Variants in EFL1 observed in about 807,000 individuals in gnomAD.
The protein encoded by EFL1 is elongation factor-like GTPase 1.
In EFL1, 76 loss-of-function variants were observed where a neutral mutation model predicts 126.7. The observed-to-expected ratio is 0.60, with a 90% confidence interval of 0.50 to 0.73. The LOEUF is 0.73. Ranked by LOEUF, EFL1 falls within the 30% of genes least tolerant of loss-of-function variation. EFL1 has a pLI of 0.00. For missense variants in EFL1, 1,128 were observed against 1,343.2 expected, an observed-to-expected ratio of 0.84 and a Z score of 2.50; for synonymous variants, 410 against 448.4, an observed-to-expected ratio of 0.91 and a Z score of 1.08.
At chr15:82,195,817 A>C (rs896021344) in intron 15 of EFL1, among the ~76,000 whole-genome samples, 1 of 152,156 alleles carries the variant, frequency 6.6e-6, no homozygotes, top group African/African-American at 2.4e-5. Flanking sequence ...CAGGCTCAAC[A>C]TCAGAGATAT....
chr15:82,186,919 T>C lies in EFL1; in HGVS notation c.1751-22935A>G, dbSNP rs192656738. Among the ~76,000 whole-genome samples, 972 of 152,296 alleles carry C rather than the reference T, an allele frequency of 6.4e-3. 9 individuals carry two copies. The highest frequency in any genetic ancestry group is 0.021 in the African/African-American group (889 of 41,550). ...CTCAATAATTCAGGCGCTTCTTAGG[T>C]AGCCTTTTGAGCACTCCCTCACTGG... is the stretch of plus-strand genomic sequence containing the variant. On this transcript the variant is annotated intron_variant, in intron 15 of 19. Coordinates refer to ENST00000268206, the MANE Select transcript of EFL1 (RefSeq NM_024580.6).
At position 82,230,983 on chromosome 15, in the gene EFL1, C is replaced by A. The variant is rs201950678; in HGVS notation, c.732-12G>T. 1.2e-5 allele frequency: 19 copies of A among 1,607,816 alleles called. No individual in the cohort carries two copies. The East Asian group carries it at 4.2e-4, about 36-fold the overall frequency. On this transcript the variant is annotated splice_polypyrimidine_tract_variant and intron_variant, in intron 7 of 19. Transcript: ENST00000268206. Reference sequence around the variant, plus strand: ...CGAAGTGCTCAATTCTGAAAGAAGACCAAATGTTCATGTTATTAATAACAA... The same window carrying A: ...CGAAGTGCTCAATTCTGAAAGAAGAACAAATGTTCATGTTATTAATAACAA...
chr15:82,238,562 T>C, intron 6 of EFL1, 41 bp from the exon 7 acceptor site: 10 of 1,490,208 alleles, frequency 6.7e-6, no homozygotes, highest in South Asian at 1.2e-5. Context: ...ATTCAGATGC[T>C]CAGCATGCTC....
At chr15:82,248,658 T>G (rs1424385060) in intron 4 of EFL1, among the ~76,000 whole-genome samples, 1 of 152,178 alleles carries the variant, frequency 6.6e-6, no homozygotes, top group East Asian at 1.9e-4. Flanking sequence ...TGCATATGGC[T>G]GACTCTTGGG....
At chr15:82,154,165 C>T (rs762479261) in intron 17 of EFL1, among the ~76,000 whole-genome samples, 3 of 152,208 alleles carry the variant, frequency 2.0e-5, no homozygotes, top group Non-Finnish European at 2.9e-5. Flanking sequence ...GGTTGCCACA[C>T]TCACAAAGCA....
In EFL1 at chr15:82,253,363, G is replaced by C. The variant is rs11856916; in HGVS notation, c.160-588C>G. The stretch of plus-strand genomic sequence containing the variant: ...CCCTCTCTCTTTTTTTTTTTTTTAA[G>C]ATGATGGGGGTCTGGAGAAGTGAAG... On this transcript the variant is annotated intron_variant, in intron 3 of 19. Transcript: ENST00000268206. Among the ~76,000 whole-genome samples, 1,475 of 149,594 alleles carry C rather than the reference G, an allele frequency of 9.9e-3. 23 individuals are homozygous for C. The highest frequency in any genetic ancestry group is 0.035 in the African/African-American group (1,415 of 40,652).
chr15:82,161,912 A>AT (rs1158788104), intron 16 of EFL1, among the ~76,000 whole-genome samples: 13 of 152,228 alleles, frequency 8.5e-5, no homozygotes, highest in Non-Finnish European at 1.8e-4. Flanking sequence ...CTTAGCTTCC[A>AT]TAACAGAGAC....
chr15:82,224,316 C>T (rs755327549), intron 12 of EFL1, among the ~76,000 whole-genome samples: 1 of 152,178 alleles, frequency 6.6e-6, no homozygotes, highest in Non-Finnish European at 1.5e-5. Flanking sequence ...TTTAAAATCT[C>T]ATCATGGTAA....
intron 17 of EFL1, among the ~76,000 whole-genome samples, chr15:82,153,480 T>C (rs1200354481): frequency 1.3e-5 from 2 of 152,178 alleles, no homozygotes; most frequent in African/African-American, 2.4e-5. Context: ...TTATTATGTA[T>C]GAGGCACTGT....
At chr15:82,242,116 T>C (rs1479654469) in intron 4 of EFL1, among the ~76,000 whole-genome samples, 1 of 152,204 alleles carries the variant, frequency 6.6e-6, no homozygotes, top group African/African-American at 2.4e-5. Flanking sequence ...CATCTTAGGT[T>C]ATAGAGAGTT....
intron 14 of EFL1, among the ~76,000 whole-genome samples, chr15:82,215,986 A>C (rs1294785855): frequency 6.6e-6 from 1 of 152,210 alleles, no homozygotes; most frequent in Non-Finnish European, 1.5e-5. Context: ...CTGTCCACTT[A>C]AAACAAGCTA....
chr15:82,214,226 G>A (rs2074619400), intron 15 of EFL1, among the ~76,000 whole-genome samples: 1 of 152,182 alleles, frequency 6.6e-6, no homozygotes, highest in Non-Finnish European at 1.5e-5. Context: ...AGTCAAACAA[G>A]TGATAACATT....
intron 18 of EFL1, among the ~76,000 whole-genome samples, chr15:82,139,672 T>C (rs74993226): frequency 6.6e-6 from 1 of 152,264 alleles, no homozygotes; most frequent in Admixed American, 6.5e-5. Flanking sequence ...AAGGACTTGC[T>C]GTAACCAGCA....
rs1321840345 is a variant in EFL1, at chr15:82,132,690, G to GC, written c.3175-2130_3175-2129insG. On this transcript the variant is annotated intron_variant, in intron 19 of 19. Coordinates refer to ENST00000268206, the MANE Select transcript of EFL1 (RefSeq NM_024580.6). ...GACAAGGTCCAGGAATTGGGGGGGGGGGGGGGTAGGCAGAGTGGCAGACAA... is the reference window on the plus strand; with the variant it reads ...GACAAGGTCCAGGAATTGGGGGGGGGCGGGGGGTAGGCAGAGTGGCAGACAA... 9.5e-4 allele frequency among the ~76,000 whole-genome samples: 115 copies of GC among 121,346 alleles called. 2 individuals carry two copies. Among genetic ancestry groups the GC allele is most frequent in the Middle Eastern group, 4.0e-3 (1 of 250 alleles). 79.6% of individuals were successfully genotyped at this position (121,346 alleles called of 152,430 possible). A position where few individuals can be genotyped will look rare whatever the true frequency, so the allele number is the denominator to read the frequency against.
chr15:82,190,645 T>C lies in EFL1; in HGVS notation c.1750+24072A>G, dbSNP rs908647683. ...TTGCCATGTTAGTGATCCAATAATT[T>C]GTATAAAATAGTAAGTGGCTGGCAA... On this transcript the variant is annotated intron_variant, in intron 15 of 19. Coordinates refer to ENST00000268206, the MANE Select transcript of EFL1 (RefSeq NM_024580.6). Among the ~76,000 whole-genome samples the C allele has an allele frequency of 2.0e-5, 3 of 152,308 alleles. No individual in the cohort carries two copies. In the East Asian group the frequency reaches 5.8e-4, roughly 29 times the overall value.
intron 15 of EFL1, among the ~76,000 whole-genome samples, chr15:82,171,413 A>G (rs1339447285): frequency 4.6e-5 from 7 of 152,160 alleles, no homozygotes; most frequent in African/African-American, 1.7e-4. Context: ...AAAGACCAAC[A>G]CGTGTGGGAA....
intron 15 of EFL1, among the ~76,000 whole-genome samples, chr15:82,204,240 T>C (rs1434102680): frequency 6.6e-6 from 1 of 152,174 alleles, no homozygotes; most frequent in Non-Finnish European, 1.5e-5. Context: ...TCATATACTT[T>C]ACATTTTCTG....
At chr15:82,183,687 C>A (rs1404397325) in intron 15 of EFL1, among the ~76,000 whole-genome samples, 1 of 152,128 alleles carries the variant, frequency 6.6e-6, no homozygotes, top group Non-Finnish European at 1.5e-5. Context: ...AATATTTAGC[C>A]ATTTTGAATA....
intron 4 of EFL1, among the ~76,000 whole-genome samples, chr15:82,245,872 C>G (rs1036218048): frequency 6.6e-6 from 1 of 150,604 alleles, no homozygotes; most frequent in African/African-American, 2.5e-5. Context: ...GAGTTCTGGG[C>G]TGCAGTGAGC....
Sources: allele counts gnomAD v4.1 joint callset (sites outside exome capture counted in the v4.1 genomes callset), GRCh38; gene constraint gnomAD v4.1.1; transcripts MANE v1.5; gene names NCBI Gene and HGNC (gene_info 2026-07-23, HGNC 2026-07-21).